Variants in OTOG observed in about 807,000 individuals in gnomAD.
OTOG encodes otogelin.
A neutral mutation model predicts 313.8 loss-of-function variants in OTOG; 296 were observed. The ratio of observed to expected loss-of-function variants is 0.94; its 90% CI spans 0.86 to 1.04. The LOEUF (loss-of-function observed/expected upper bound fraction) is 1.04. OTOG is among the 50% of genes least tolerant of loss of function. The pLI is 0.00. For synonymous variants in OTOG, 1,533 were observed against 1,554.9 expected, an observed-to-expected ratio of 0.99 and a Z score of 0.33; for missense variants, 3,948 against 3,840.1, an observed-to-expected ratio of 1.03 and a Z score of -0.74.
chr11:17,576,464 C>G (rs773208095), intron 20 of OTOG, 92 bp from the exon 21 acceptor site: 1 of 967,158 alleles, frequency 1.0e-6, no homozygotes, highest in Non-Finnish European at 1.6e-6. Flanking sequence ...TCCTTATGCA[C>G]CTGGTTGGCT....
In OTOG at chr11:17,611,173, T is replaced by G; in HGVS notation, c.5873T>G (p.Leu1958Arg). The G allele has an allele frequency of 1.3e-6, 2 of 1,550,528 alleles. No homozygotes were observed. The highest frequency in any genetic ancestry group is 1.7e-6 in the Non-Finnish European group (2 of 1,146,980). The change falls in exon 36 of 56, where the codon CTG becomes CGG. Residue 1958 changes from leucine to arginine, a missense_variant. Physicochemically the swap from Leu to Arg is moderately radical, Grantham distance 102 (BLOSUM62 -2). Coordinates refer to ENST00000399397, the MANE Select transcript of OTOG (RefSeq NM_001292063.2). The part of the protein sequence containing the change: ...EPEGAQAGTA[L>R]PVPTSYALSR... Reference sequence around the variant, plus strand: ...GAGGGAGCCCAGGCAGGCACAGCTCTGCCAGTGCCCACATCCTATGCCCTG... The same window carrying G: ...GAGGGAGCCCAGGCAGGCACAGCTCGGCCAGTGCCCACATCCTATGCCCTG...
intron 16 of OTOG, 26 bp downstream of exon 16, chr11:17,569,314 C>T: frequency 6.5e-7 from 1 of 1,550,038 alleles, no homozygotes; most frequent in Non-Finnish European, 8.7e-7. Flanking sequence ...GACAACAGAC[C>T]TAGTTGGGAA....
chr11:17,635,022 G>C (rs546737995), intron 45 of OTOG, 58 bp from the exon 46 acceptor site: 55 of 1,533,572 alleles, frequency 3.6e-5, no homozygotes, highest in Non-Finnish European at 4.3e-5. Context: ...GGGGGCAGGG[G>C]CCCAGGGGTG....
chr11:17,558,215 T>C lies in OTOG; in HGVS notation c.896T>C (p.Val299Ala). ...CTGACTGACGACGTGGTTGAGTTTGTGCACAGCTGGCAGGAGCAGGCCCCT... is the reference window on the plus strand; with the variant it reads ...CTGACTGACGACGTGGTTGAGTTTGCGCACAGCTGGCAGGAGCAGGCCCCT... ...GKLTDDVVEF[V>A]HSWQEQAPNQ... The change falls in exon 9 of 56, where the codon GTG (valine) becomes GCG (alanine). Residue 299 changes from valine (V) to alanine (A), a missense_variant. Val to Ala is a moderately conservative substitution (Grantham distance 64). Coordinates refer to ENST00000399397, the MANE Select transcript of OTOG (RefSeq NM_001292063.2). The C allele has an allele frequency of 6.4e-7, 1 of 1,550,536 alleles. No homozygotes were observed. The highest frequency in any genetic ancestry group is 1.7e-4 in the Middle Eastern group (1 of 5,992).
intron 39 of OTOG, among the ~76,000 whole-genome samples, chr11:17,615,629 C>G (rs910565570): frequency 6.6e-6 from 1 of 152,138 alleles, no homozygotes; most frequent in Non-Finnish European, 1.5e-5. Context: ...TGTCTTTGAA[C>G]CTTTATTTAA....
intron 15 of OTOG, among the ~76,000 whole-genome samples, chr11:17,563,407 G>A (rs1443977635): frequency 6.6e-6 from 1 of 152,338 alleles, no homozygotes; most frequent in East Asian, 1.9e-4. Flanking sequence ...CCATGGCCCT[G>A]GGGACACAGG....
chr11:17,571,979 T>C (rs1372023769), intron 17 of OTOG, 101 bp from the exon 18 acceptor site: 9 of 1,442,712 alleles, frequency 6.2e-6, no homozygotes, highest in Non-Finnish European at 8.5e-6. Context: ...TATGACTATG[T>C]GTGTGTATAT....
chr11:17,597,433 C>A (rs1388629055), intron 30 of OTOG, among the ~76,000 whole-genome samples: 1 of 152,172 alleles, frequency 6.6e-6, no homozygotes, highest in Non-Finnish European at 1.5e-5. Flanking sequence ...GACCTGCCCC[C>A]AAGGTTGACT....
intron 14 of OTOG, 65 bp downstream of exon 14, chr11:17,561,202 A>T: frequency 6.5e-7 from 1 of 1,529,108 alleles, no homozygotes; most frequent in East Asian, 2.5e-5. Context: ...TGGGGCAAGG[A>T]ATCTCTGGGG....
intron 22 of OTOG, among the ~76,000 whole-genome samples, chr11:17,577,900 G>C (rs1170971954): frequency 6.6e-6 from 1 of 151,560 alleles, no homozygotes; most frequent in Non-Finnish European, 1.5e-5. Context: ...GTGGTAACAG[G>C]ACCGTGACTC....
chr11:17,632,375 T>G, intron 42 of OTOG, 149 bp downstream of exon 42: 1 of 619,626 alleles, frequency 1.6e-6, no homozygotes, highest in Non-Finnish European at 2.3e-6. Context: ...TTTATAAATA[T>G]TTCATATGTT....
intron 39 of OTOG, among the ~76,000 whole-genome samples, chr11:17,626,756 G>A (rs536906910): frequency 2.2e-4 from 33 of 152,260 alleles, no homozygotes; most frequent in African/African-American, 7.9e-4. Context: ...CCATGAGCAT[G>A]GGCTATCTTT....
chr11:17,624,932 T>A (rs1390452296), intron 39 of OTOG, among the ~76,000 whole-genome samples: 4 of 152,212 alleles, frequency 2.6e-5, no homozygotes, highest in Non-Finnish European at 5.9e-5. Context: ...TGAATAAGAT[T>A]GCCTTCCTGA....
intron 49 of OTOG, among the ~76,000 whole-genome samples, chr11:17,639,954 G>C (rs905861945): frequency 5.9e-5 from 8 of 134,970 alleles, no homozygotes; most frequent in African/African-American, 1.9e-4. Context: ...CAATGATGGT[G>C]GTGGTGGGGA....
intron 48 of OTOG, 145 bp from the exon 49 acceptor site, chr11:17,639,278 G>C: frequency 1.3e-6 from 1 of 778,138 alleles, no homozygotes. Context: ...TGAGATTTGG[G>C]CCTCTTCCTC....
intron 14 of OTOG, 51 bp downstream of exon 14, chr11:17,561,188 G>A (rs1852174692): frequency 6.5e-7 from 1 of 1,545,392 alleles, no homozygotes; most frequent in Non-Finnish European, 8.8e-7. Flanking sequence ...AGTCTGATAG[G>A]TTTTGGGGCA....
At position 17,611,245 on chromosome 11, in the gene OTOG, T is replaced by A. The variant is rs1462119197; in HGVS notation, c.5945T>A (p.Leu1982Gln). ...RTAPQDSMLV[L>Q]LPQLAEAHGT... ...GCCCCCCAAGACAGCATGCTGGTTC[T>A]GTTGCCTCAGCTGGCTGAGGCCCAT... Residue 1982 changes from leucine to glutamine, a missense_variant, in exon 36 of 56, where the codon CTG (leucine) becomes CAG (glutamine). By Grantham distance (113) the Leu-to-Gln change is moderately radical. Transcript: ENST00000399397. 1 of 1,550,404 alleles carries A rather than the reference T, an allele frequency of 6.4e-7. No individual in the cohort carries two copies. Among genetic ancestry groups the A allele is most frequent in the African/African-American group, 1.4e-5 (1 of 73,024 alleles).
chr11:17,598,113 G>T (rs1382786898), intron 30 of OTOG, among the ~76,000 whole-genome samples: 1 of 152,190 alleles, frequency 6.6e-6, no homozygotes, highest in African/African-American at 2.4e-5. Context: ...ACTTGCTGAG[G>T]GTCCACTGTG....
At chr11:17,569,069 G>A (rs1274306505) in intron 15 of OTOG, 87 bp from the exon 16 acceptor site, 32 of 1,445,548 alleles carry the variant, frequency 2.2e-5, no homozygotes, top group Non-Finnish European at 2.9e-5. Context: ...CTCAAGCTGG[G>A]CTGGGGTCTC....
Sources: gnomAD v4.1 joint callset for allele counts (sites outside exome capture counted in the v4.1 genomes callset) on GRCh38, gnomAD v4.1.1 for gene constraint, MANE v1.5 for transcripts, NCBI Gene and HGNC (gene_info 2026-07-23, HGNC 2026-07-21) for gene names.